SAMD3: variants seen among roughly 807,000 people sequenced by gnomAD.
The protein encoded by SAMD3 is sterile alpha motif domain-containing protein 3.
SAMD3 carries 63 observed loss-of-function variants against 58.5 expected under a neutral mutation model. The observed-to-expected ratio is 1.08, with a 90% CI of 0.88 to 1.33. The LOEUF is 1.33. Among genes scored for constraint, SAMD3 ranks in the 40% most tolerant of loss-of-function variants. The pLI is 0.00. For synonymous variants in SAMD3, 220 were observed against 210.3 expected (o/e 1.05, Z -0.40); for missense variants, 604 against 608.4 (o/e 0.99, Z 0.08).
intron 1 of SAMD3, among the ~76,000 whole-genome samples, chr6:130,318,839 T>C (rs1175132069): frequency 2.0e-5 from 3 of 152,228 alleles, no homozygotes; most frequent in Non-Finnish European, 4.4e-5. Flanking sequence ...TAATCAGTTA[T>C]TGAAGACATT....
intron 9 of SAMD3, among the ~76,000 whole-genome samples, chr6:130,151,506 A>G (rs1789183786): frequency 6.6e-6 from 1 of 152,080 alleles, no homozygotes; most frequent in African/African-American, 2.4e-5. Flanking sequence ...CAGTGGCGCA[A>G]TCTCGGCTCA....
At chr6:130,205,818 G>A (rs556517712) in intron 5 of SAMD3, among the ~76,000 whole-genome samples, 7 of 152,310 alleles carry the variant, frequency 4.6e-5, no homozygotes, top group East Asian at 1.9e-4. Context: ...GAAGGGCTCC[G>A]TGCCTGGCCT....
intron 9 of SAMD3, among the ~76,000 whole-genome samples, chr6:130,149,117 C>T (rs1788901770): frequency 6.6e-6 from 1 of 152,128 alleles, no homozygotes; most frequent in South Asian, 2.1e-4. Context: ...TTTTCCTAAC[C>T]TTCCCCTTCC....
chr6:130,287,270 T>G (rs1473137689), intron 2 of SAMD3, among the ~76,000 whole-genome samples: 1 of 152,228 alleles, frequency 6.6e-6, no homozygotes, highest in Non-Finnish European at 1.5e-5. Context: ...TCACATAACA[T>G]TTTATACATA....
At chr6:130,309,495 A>G (rs1410566102) in intron 2 of SAMD3, among the ~76,000 whole-genome samples, 1 of 152,202 alleles carries the variant, frequency 6.6e-6, no homozygotes, top group African/African-American at 2.4e-5. Flanking sequence ...TTAAGTCCAC[A>G]AAGTCAATGC....
At chr6:130,265,920 T>C (rs1774331213) in intron 2 of SAMD3, among the ~76,000 whole-genome samples, 2 of 152,110 alleles carry the variant, frequency 1.3e-5, no homozygotes, top group South Asian at 4.1e-4. Context: ...ATTAAGACTG[T>C]GTAAAAATAA....
intron 8 of SAMD3, among the ~76,000 whole-genome samples, chr6:130,174,912 A>G (rs1791585628): frequency 1.3e-5 from 2 of 152,258 alleles, no homozygotes; most frequent in South Asian, 4.1e-4. Context: ...TACAAAATAT[A>G]TTTAAAATAT....
chr6:130,209,145 TCCA>T (rs1363435704), intron 5 of SAMD3, among the ~76,000 whole-genome samples: 1 of 152,210 alleles, frequency 6.6e-6, no homozygotes, highest in Non-Finnish European at 1.5e-5. Context: ...AAACAAAAAC[TCCA>T]CCAAGGGATA....
intron 1 of SAMD3, among the ~76,000 whole-genome samples, chr6:130,331,241 G>T (rs1776922981): frequency 6.6e-6 from 1 of 152,202 alleles, no homozygotes; most frequent in African/African-American, 2.4e-5. Context: ...ATTCAACATT[G>T]CTTTGGATAT....
chr6:130,155,315 A>G (rs1364555421), intron 8 of SAMD3, among the ~76,000 whole-genome samples: 1 of 152,260 alleles, frequency 6.6e-6, no homozygotes, highest in Admixed American at 6.5e-5. Context: ...TTCCCACTGA[A>G]TCAAATGTTG....
intron 9 of SAMD3, among the ~76,000 whole-genome samples, chr6:130,152,467 A>G (rs371739219): frequency 6.6e-5 from 10 of 152,034 alleles, no homozygotes; most frequent in Non-Finnish European, 1.2e-4. Context: ...ACCTGAGCTC[A>G]GGAGTTCAAG....
chr6:130,240,200 T>G (rs1429844414), intron 2 of SAMD3, among the ~76,000 whole-genome samples: 1 of 152,188 alleles, frequency 6.6e-6, no homozygotes, highest in Non-Finnish European at 1.5e-5. Context: ...GGAAGGTTCC[T>G]CTTCTCACAT....
At chr6:130,290,201 A>C (rs1282303493) in intron 2 of SAMD3, among the ~76,000 whole-genome samples, 1 of 152,008 alleles carries the variant, frequency 6.6e-6, no homozygotes, top group African/African-American at 2.4e-5. Context: ...TATTTTACGG[A>C]ATTGGTTCGT....
At chr6:130,301,671 G>C (rs1309856519) in intron 2 of SAMD3, among the ~76,000 whole-genome samples, 1 of 152,110 alleles carries the variant, frequency 6.6e-6, no homozygotes, top group Non-Finnish European at 1.5e-5. Flanking sequence ...CACGTTGCCT[G>C]AGTTTAAACT....
At chr6:130,310,814 C>T (rs1409298981) in intron 2 of SAMD3, among the ~76,000 whole-genome samples, 2 of 152,096 alleles carry the variant, frequency 1.3e-5, no homozygotes, top group Admixed American at 1.3e-4. Flanking sequence ...ATTAACATAG[C>T]CACTAATTTT....
upstream of SAMD3, among the ~76,000 whole-genome samples, chr6:130,225,026 G>A (rs1442060069): frequency 6.6e-6 from 1 of 152,188 alleles, no homozygotes; most frequent in Non-Finnish European, 1.5e-5. Context: ...GTGTATGTGT[G>A]TGTGTTAGAG....
chr6:130,145,533 C>T, intron 10 of SAMD3, 111 bp from the exon 11 acceptor site: 1 of 628,260 alleles, frequency 1.6e-6, no homozygotes, highest in Non-Finnish European at 2.8e-6. Context: ...AGAAAACAAA[C>T]TAGCCTTCTT....
intron 2 of SAMD3, among the ~76,000 whole-genome samples, chr6:130,237,366 A>T (rs1232768100): frequency 6.6e-6 from 1 of 152,088 alleles, no homozygotes; most frequent in African/African-American, 2.4e-5. Flanking sequence ...ATTCTTTCCT[A>T]GCTAGTTCTC....
chr6:130,145,481 T>TA lies in SAMD3; in HGVS notation c.1196-60dup, dbSNP rs1386619183. ...AAATAAGCTTTTAGCAATTGTAAGC[T>TA]AAGCTAGTATTGAAACATCTGGATT... On this transcript the variant is annotated intron_variant, in intron 10 of 11. Transcript: ENST00000439090. The TA allele has an allele frequency of 3.4e-6, 4 of 1,164,788 alleles. No individual in the cohort carries two copies. The African/African-American group carries it at 6.1e-5, about 18-fold the overall frequency. The allele number at this position is 1,164,788 out of a possible 1,614,324, so 72.2% of individuals were successfully genotyped here. A position where few individuals can be genotyped will look rare whatever the true frequency, so the allele number is the denominator to read the frequency against.
Sources: allele counts gnomAD v4.1 joint callset (sites outside exome capture counted in the v4.1 genomes callset), GRCh38; gene constraint gnomAD v4.1.1; transcripts MANE v1.5; gene names NCBI Gene and HGNC (gene_info 2026-07-23, HGNC 2026-07-21).